LRCH3: variants seen among roughly 807,000 people sequenced by gnomAD.
The protein encoded by LRCH3 is leucine rich repeats and calponin homology domain containing 3.
Under a neutral mutation model 104.5 loss-of-function variants are expected in LRCH3, and 68 were observed. The ratio of observed to expected loss-of-function variants is 0.65; its 90% confidence interval spans 0.54 to 0.80. LRCH3 has a LOEUF of 0.80. Ranked by LOEUF, LRCH3 falls within the 30% of genes least tolerant of loss-of-function variation. LRCH3 has a pLI of 0.00. For missense variants in LRCH3, 951 were observed against 953.9 expected (o/e 1.00, Z 0.04); for synonymous variants, 344 against 361.3 (o/e 0.95, Z 0.54).
In LRCH3 at chr3:197,887,616, C is replaced by T. The variant is rs140904685; in HGVS notation, c.*3950C>T. The T allele has an allele frequency of 0.071, 10,254 of 144,290 alleles. 574 individuals are homozygous for T. Among genetic ancestry groups the T allele is most frequent in the African/African-American group, 0.092 (3,384 of 36,754 alleles). 8.9% of individuals were successfully genotyped at this position (144,290 alleles called of 1,614,324 possible). On this transcript the variant is annotated 3_prime_UTR_variant, in exon 21 of 21. Coordinates refer to ENST00000425562, the MANE Select transcript of LRCH3 (RefSeq NM_001365715.1). ...GAGAGCCCCCCTAGCAGAGCCCTTC[C>T]CATCACTGACAGTGTCTGGGGCTGA...
chr3:197,869,542 G>A (rs1294489115), intron 17 of LRCH3, among the ~76,000 whole-genome samples: 1 of 147,816 alleles, frequency 6.8e-6, no homozygotes, highest in Non-Finnish European at 1.5e-5. Context: ...CCTGCAGGAG[G>A]TAGAAAGCGA....
chr3:197,825,539 G>T (rs1735086004), intron 4 of LRCH3, among the ~76,000 whole-genome samples: 1 of 124,560 alleles, frequency 8.0e-6, no homozygotes, highest in South Asian at 2.7e-4. Context: ...GAGTGCAGTG[G>T]CTCAATCTCG....
chr3:197,846,380 G>A (rs1332650608), intron 10 of LRCH3, among the ~76,000 whole-genome samples: 1 of 136,286 alleles, frequency 7.3e-6, no homozygotes, highest in Non-Finnish European at 1.5e-5. Flanking sequence ...CTCCACCTTG[G>A]GCCACAAAAA....
In LRCH3 at chr3:197,859,179, A is replaced by G. The variant is rs1381115741; in HGVS notation, c.1716+274A>G. The G allele has an allele frequency of 9.6e-6, 4 of 417,954 alleles. No homozygotes were observed. The East Asian group carries it at 2.0e-4, about 21-fold the overall frequency. 25.9% of individuals were successfully genotyped at this position (417,954 alleles called of 1,614,324 possible). ...ATCAAAGGTGTTTTTCTTGTGAGTTATTATTTCACTTTGGTTAGTATATAA... is the reference window on the plus strand; with the variant it reads ...ATCAAAGGTGTTTTTCTTGTGAGTTGTTATTTCACTTTGGTTAGTATATAA... On this transcript the variant is annotated intron_variant, in intron 15 of 20. Coordinates refer to ENST00000425562, the MANE Select transcript of LRCH3 (RefSeq NM_001365715.1).
rs1432138547 is a variant in LRCH3 at position 197,887,078 on chromosome 3, T to A, written c.*3412T>A. 1 of 152,106 alleles carries A rather than the reference T, an allele frequency of 6.6e-6. No homozygotes were observed. The highest frequency in any genetic ancestry group is 1.5e-5 in the Non-Finnish European group (1 of 68,010). The allele number at this position is 152,106 out of a possible 1,614,324, so 9.4% of individuals were successfully genotyped here. A position where few individuals can be genotyped will look rare whatever the true frequency, so the allele number is the denominator to read the frequency against. On this transcript the variant is annotated 3_prime_UTR_variant, in exon 21 of 21. Coordinates refer to ENST00000425562, the MANE Select transcript of LRCH3 (RefSeq NM_001365715.1). ...AAGGAAAAATATCAAATGCTTTGAA[T>A]TTTTTTTCTCTTTTTTCAAACCCTC... is the stretch of plus-strand genomic sequence containing the variant.
chr3:197,848,150 A>AAT (rs1739033681), intron 12 of LRCH3, 129 bp downstream of exon 12: 3 of 807,200 alleles, frequency 3.7e-6, no homozygotes. Context: ...ATCTTGACTA[A>AAT]ATAGAGTGTC....
chr3:197,834,384 T>C (rs560393128), intron 8 of LRCH3, among the ~76,000 whole-genome samples: 1 of 152,356 alleles, frequency 6.6e-6, no homozygotes, highest in East Asian at 1.9e-4. Context: ...ATAAAATATC[T>C]ACATTGCTGA....
At chr3:197,838,231 G>T (rs1051894895) in intron 9 of LRCH3, among the ~76,000 whole-genome samples, 3 of 152,220 alleles carry the variant, frequency 2.0e-5, no homozygotes, top group African/African-American at 4.8e-5. Context: ...GCCGGCCTGG[G>T]CCACATAGCG....
Position 197,791,341 on chromosome 3 carries a change from G to C in LRCH3, c.63G>C (p.Ser21=). Residue 21 remains serine (S), a synonymous_variant, in exon 1 of 21, where the codon TCG becomes TCC. Transcript: ENST00000425562. ...CCGAGTACTCTGGCACGGTAGCGTC[G>C]GGAGGTAACCTCCCTGGTGTTCACT... ...AAAEYSGTVA[S]GGNLPGVHCG... The C allele has an allele frequency of 6.2e-7, 1 of 1,608,376 alleles. No homozygotes were observed. The highest frequency in any genetic ancestry group is 8.5e-7 in the Non-Finnish European group (1 of 1,178,448).
At chr3:197,838,890 A>G (rs1737347077) in intron 9 of LRCH3, among the ~76,000 whole-genome samples, 3 of 152,246 alleles carry the variant, frequency 2.0e-5, no homozygotes, top group Non-Finnish European at 4.4e-5. Context: ...AAAGAAATGT[A>G]ACCTGCCCAG....
At chr3:197,827,250 T>C (rs1049019839) in intron 5 of LRCH3, among the ~76,000 whole-genome samples, 15 of 131,202 alleles carry the variant, frequency 1.1e-4, no homozygotes, top group Non-Finnish European at 1.1e-4. Context: ...ATCAGATAAA[T>C]CATGGTGGAA....
At chr3:197,827,143 G>A in intron 5 of LRCH3, 129 bp downstream of exon 5, 2 of 1,449,050 alleles carry the variant, frequency 1.4e-6, no homozygotes, top group Non-Finnish European at 1.9e-6. Context: ...AACCACAGTG[G>A]AAGCATCAGG....
Position 197,819,127 on chromosome 3 carries a change from G to GAA in LRCH3, c.535-1184_535-1183dup, listed in dbSNP as rs1192344643. Among the ~76,000 whole-genome samples the GAA allele has an allele frequency of 6.0e-5, 8 of 133,368 alleles. No homozygotes were observed. In the South Asian group the frequency reaches 7.2e-4, roughly 12 times the overall value. 87.5% of individuals were successfully genotyped at this position (133,368 alleles called of 152,430 possible). Reference sequence around the variant, plus strand: ...GGCAACAGAGTGAGATTCCGTCTGGGAAAAAAAAAAAAAAAGAAAAAAGAA... The same window carrying GAA: ...GGCAACAGAGTGAGATTCCGTCTGGGAAAAAAAAAAAAAAAAAGAAAAAAGAA... On this transcript the variant is annotated intron_variant, in intron 3 of 20. Transcript: ENST00000425562.
chr3:197,856,455 G>T lies in LRCH3; in HGVS notation c.1644+2010G>T, dbSNP rs1740259259. Among the ~76,000 whole-genome samples the T allele has an allele frequency of 6.6e-6, 1 of 151,768 alleles. No individual in the cohort carries two copies. Among genetic ancestry groups the T allele is most frequent in the Non-Finnish European group, 1.5e-5 (1 of 67,962 alleles). On this transcript the variant is annotated intron_variant, in intron 14 of 20. Transcript: ENST00000425562. The surrounding 1 kb of genome is among the most constrained non-coding windows in gnomAD (Gnocchi z 4.2). ...TTATTTTGAGACAGAGTCTCCCTCT[G>T]TTGCCGAGGCTGGAGTGCAGTGGCA...
intron 4 of LRCH3, among the ~76,000 whole-genome samples, chr3:197,823,965 T>G (rs1339522253): frequency 1.3e-5 from 2 of 152,246 alleles, no homozygotes; most frequent in Non-Finnish European, 2.9e-5. Context: ...AACTTCTGAT[T>G]AAATTGTTAC....
At chr3:197,829,754 G>C in intron 6 of LRCH3, 81 bp downstream of exon 6, 1 of 946,388 alleles carries the variant, frequency 1.1e-6, no homozygotes, top group Non-Finnish European at 1.6e-6. Flanking sequence ...TTGCCTGAAT[G>C]TTTGACTAAA....
At chr3:197,804,263 G>C (rs1286126178) in intron 1 of LRCH3, among the ~76,000 whole-genome samples, 1 of 137,350 alleles carries the variant, frequency 7.3e-6, no homozygotes, top group East Asian at 2.2e-4. Context: ...CTCAAAAAAA[G>C]AAAAAAAAAA....
At chr3:197,796,332 G>GT (rs1386657301) in intron 1 of LRCH3, among the ~76,000 whole-genome samples, 4 of 152,090 alleles carry the variant, frequency 2.6e-5, no homozygotes, top group Non-Finnish European at 5.9e-5. Flanking sequence ...CATTATGCTG[G>GT]GTAATGTAGA....
intron 10 of LRCH3, among the ~76,000 whole-genome samples, chr3:197,842,049 G>T (rs962272662): frequency 5.9e-5 from 9 of 152,022 alleles, no homozygotes; most frequent in African/African-American, 2.2e-4. Context: ...TGCCCAGGCC[G>T]GTCTCAGACT....
Sources: allele counts gnomAD v4.1 joint callset (sites outside exome capture counted in the v4.1 genomes callset), GRCh38; gene constraint gnomAD v4.1.1; non-coding constraint Gnocchi (gnomAD v3.1); transcripts MANE v1.5; gene names NCBI Gene and HGNC (gene_info 2026-07-23, HGNC 2026-07-21).